TYR: variants seen among roughly 807,000 people sequenced by gnomAD.
TYR encodes tyrosinase, also known as LB24-AB.
A neutral mutation model predicts 51.5 loss-of-function variants in TYR; 58 were observed. That is an observed-to-expected ratio of 1.13 (90% confidence interval 0.91 to 1.40). TYR has a LOEUF of 1.40. Ranked by LOEUF, TYR falls within the 40% of genes most tolerant of loss-of-function variation. The pLI is 0.00. For missense variants in TYR, 732 were observed against 647.4 expected, an observed-to-expected ratio of 1.13 and a Z score of -1.42; for synonymous variants, 263 against 235.2, an observed-to-expected ratio of 1.12 and a Z score of -1.08.
At chr11:89,193,401 T>TATTA (rs1234110496) in intron 2 of TYR, among the ~76,000 whole-genome samples, 1 of 151,908 alleles carries the variant, frequency 6.6e-6, no homozygotes, top group Non-Finnish European at 1.5e-5. Flanking sequence ...TACACACAGG[T>TATTA]GAGGAGGGAA....
At chr11:89,239,418 CT>C (rs1340677256) in intron 3 of TYR, among the ~76,000 whole-genome samples, 4 of 151,894 alleles carry the variant, frequency 2.6e-5, no homozygotes, top group African/African-American at 9.7e-5. Flanking sequence ...AATGTCTCCT[CT>C]TTCATTTCTA....
Position 89,178,318 on chromosome 11 carries a change from A to G in TYR, c.365A>G (p.Asn122Ser). ...GAGAGACGACTCTTGGTGAGAAGAA[A>G]CATCTTCGATTTGAGTGCCCCAGAG... is the stretch of plus-strand genomic sequence containing the variant. ...CTERRLLVRR[N>S]IFDLSAPEKD... The change falls in exon 1 of 5, where the codon AAC (asparagine) becomes AGC (serine). Residue 122 changes from asparagine (N) to serine (S), a missense_variant. Transcript: ENST00000263321. The G allele has an allele frequency of 6.2e-7, 1 of 1,614,206 alleles. No homozygotes were observed. The highest frequency in any genetic ancestry group is 1.1e-5 in the South Asian group (1 of 91,088).
At chr11:89,254,597 T>A (rs1381536843) in intron 3 of TYR, among the ~76,000 whole-genome samples, 4 of 151,870 alleles carry the variant, frequency 2.6e-5, no homozygotes, top group Non-Finnish European at 5.9e-5. Flanking sequence ...CTAGGTTTTC[T>A]AATTTATGTG....
intron 2 of TYR, among the ~76,000 whole-genome samples, chr11:89,210,038 C>A (rs893543409): frequency 3.3e-5 from 5 of 152,080 alleles, no homozygotes; most frequent in Admixed American, 6.5e-5. Context: ...ACTGAAAATT[C>A]CAAAAACCAG....
intron 3 of TYR, among the ~76,000 whole-genome samples, chr11:89,257,678 G>T (rs551688066): frequency 1.6e-4 from 24 of 152,132 alleles, no homozygotes; most frequent in African/African-American, 5.1e-4. Flanking sequence ...GAAAAGATGC[G>T]TAGCTGCTGC....
intron 3 of TYR, among the ~76,000 whole-genome samples, chr11:89,238,038 G>T (rs1944141627): frequency 6.6e-6 from 1 of 151,898 alleles, no homozygotes; most frequent in Non-Finnish European, 1.5e-5. Flanking sequence ...GTTTCACCAT[G>T]TTGGCCAGGC....
chr11:89,249,943 TAG>T (rs1328322071), intron 3 of TYR, among the ~76,000 whole-genome samples: 2 of 151,912 alleles, frequency 1.3e-5, no homozygotes, highest in African/African-American at 4.8e-5. Context: ...AGACACAAGA[TAG>T]AGTATAGATG....
At chr11:89,189,981 CATA>C (rs1943421116) in intron 1 of TYR, among the ~76,000 whole-genome samples, 1 of 152,098 alleles carries the variant, frequency 6.6e-6, no homozygotes, top group Non-Finnish European at 1.5e-5. Flanking sequence ...TCATAGCAGT[CATA>C]ATATTATACA....
chr11:89,273,603 G>A (rs1590893478), intron 3 of TYR, among the ~76,000 whole-genome samples: 1 of 151,882 alleles, frequency 6.6e-6, no homozygotes, highest in East Asian at 1.9e-4. Context: ...CATGCTGTTG[G>A]AAAAATGTCA....
chr11:89,209,131 G>T lies in TYR; in HGVS notation c.1036+17713G>T, dbSNP rs550154718. On this transcript the variant is annotated intron_variant, in intron 2 of 4. Transcript: ENST00000263321. ...CACAGAAGGTGAACCAAAGCAGGAT[G>T]GGGGGTCACCTCATCTGGGAAGCAC... is the stretch of plus-strand genomic sequence containing the variant. 3.9e-5 allele frequency among the ~76,000 whole-genome samples: 6 copies of T among 152,286 alleles called. No individual in the cohort carries two copies. The South Asian group carries it at 1.2e-3, about 32-fold the overall frequency.
intron 1 of TYR, among the ~76,000 whole-genome samples, chr11:89,180,301 G>A (rs1296147381): frequency 6.6e-6 from 1 of 152,090 alleles, no homozygotes; most frequent in Non-Finnish European, 1.5e-5. Context: ...CAGTTATGAT[G>A]CTTTATTTAA....
At chr11:89,240,051 G>A (rs1382500795) in intron 3 of TYR, among the ~76,000 whole-genome samples, 3 of 152,026 alleles carry the variant, frequency 2.0e-5, no homozygotes, top group Non-Finnish European at 4.4e-5. Context: ...GGGTCCATTT[G>A]ATCTAAAATG....
chr11:89,239,321 T>C (rs1304362459), intron 3 of TYR, among the ~76,000 whole-genome samples: 2 of 152,124 alleles, frequency 1.3e-5, no homozygotes, highest in African/African-American at 2.4e-5. Flanking sequence ...GTGTGTTTCT[T>C]GGAATTTATC....
intron 2 of TYR, among the ~76,000 whole-genome samples, chr11:89,200,788 A>G (rs139189017): frequency 6.6e-5 from 10 of 152,164 alleles, no homozygotes; most frequent in Admixed American, 5.2e-4. Context: ...TCACACAACT[A>G]TGTAATCAGA....
At chr11:89,282,945 G>A (rs1001880306) in intron 3 of TYR, among the ~76,000 whole-genome samples, 1 of 151,762 alleles carries the variant, frequency 6.6e-6, no homozygotes, top group Admixed American at 6.6e-5. Context: ...CCACTTAACT[G>A]TGTATTTTGT....
chr11:89,191,231 C>T lies in TYR; in HGVS notation c.849C>T (p.Asn283=), dbSNP rs1422178272. The change falls in exon 2 of 5, where the codon AAC becomes AAT. Residue 283 remains asparagine (N), a synonymous_variant. Coordinates refer to ENST00000263321, the MANE Select transcript of TYR (RefSeq NM_000372.5). ...TCTGTAGCCGATTGGAGGAGTACAA[C>T]AGCCATCAGTCTTTATGCAATGGAA... ...QIVCSRLEEY[N]SHQSLCNGTP... 2 of 1,613,488 alleles carry T rather than the reference C, an allele frequency of 1.2e-6. No homozygotes were observed. The highest frequency in any genetic ancestry group is 2.2e-5 in the South Asian group (2 of 91,078).
chr11:89,295,159 A>C lies in TYR; in HGVS notation c.1383A>C (p.Gln461His), dbSNP rs1284511572. Residue 461 changes from glutamine (Q) to histidine (H), a missense_variant, in exon 5 of 5, where the codon CAA becomes CAC. Transcript: ENST00000263321. The part of the protein sequence containing the change: ...YLQDSDPDSF[Q>H]DYIKSYLEQA... ...TTATTTCAGACCCAGACTCTTTTCA[A>C]GACTACATTAAGTCCTATTTGGAAC... 4 of 1,613,864 alleles carry C rather than the reference A, an allele frequency of 2.5e-6. No homozygotes were observed. Among genetic ancestry groups the C allele is most frequent in the East Asian group, 2.2e-5 (1 of 44,882 alleles).
Position 89,178,792 on chromosome 11 carries a change from C to T in TYR, c.819+20C>T, listed in dbSNP as rs367719053. The T allele has an allele frequency of 1.8e-5, 29 of 1,612,212 alleles. No homozygotes were observed. Among genetic ancestry groups the T allele is most frequent in the South Asian group, 5.5e-5 (5 of 91,044 alleles). On this transcript the variant is annotated intron_variant, in intron 1 of 4. Coordinates refer to ENST00000263321, the MANE Select transcript of TYR (RefSeq NM_000372.5). ...TGGCAGGTAAGATATGCTAGATATACGATGTCAGAGTAGGGAGGAACCTTA... is the reference window on the plus strand; with the variant it reads ...TGGCAGGTAAGATATGCTAGATATATGATGTCAGAGTAGGGAGGAACCTTA...
intron 3 of TYR, among the ~76,000 whole-genome samples, chr11:89,229,126 C>A (rs758256905): frequency 1.3e-5 from 2 of 152,066 alleles, no homozygotes; most frequent in Admixed American, 6.6e-5. Context: ...TCTCTTCATT[C>A]ATGTCCACAG....
Sources: allele counts gnomAD v4.1 joint callset (sites outside exome capture counted in the v4.1 genomes callset), GRCh38; gene constraint gnomAD v4.1.1; transcripts MANE v1.5; gene names NCBI Gene and HGNC (gene_info 2026-07-23, HGNC 2026-07-21).